Variants in AGBL3 observed in about 807,000 individuals in gnomAD.
The protein encoded by AGBL3 is AGBL carboxypeptidase 3, also known as cytosolic carboxypeptidase 3.
Under a neutral mutation model 94.5 loss-of-function variants are expected in AGBL3, and 68 were observed. The observed-to-expected ratio is 0.72, with a 90% CI of 0.59 to 0.88. AGBL3 has a LOEUF of 0.88. Among genes scored for constraint, AGBL3 ranks in the 40% least tolerant of loss-of-function variants. The pLI, the probability that AGBL3 is intolerant of heterozygous loss-of-function variation, is 0.00. For missense variants in AGBL3, 934 were observed against 1,103.8 expected (o/e 0.85, Z 2.18); for synonymous variants, 354 against 370.7 (o/e 0.95, Z 0.52).
In AGBL3 at chr7:135,034,849, C is replaced by G. The variant is rs139324036; in HGVS notation, c.1258C>G (p.Arg420Gly). 6.4e-7 allele frequency: 1 copy of G among 1,551,316 alleles called. No homozygotes were observed. Among genetic ancestry groups the G allele is most frequent in the East Asian group, 2.4e-5 (1 of 40,932 alleles). ...VGNYRCSLAG[R>G]DLNRNYTSLL... ...AAATTATCGCTGTTCCTTAGCTGGA[C>G]GGGATTTAAACCGTAATTATACATC... The change falls in exon 7 of 17, where the codon CGG becomes GGG. Residue 420 changes from arginine to glycine, a missense_variant. Arg to Gly is a moderately radical substitution (Grantham distance 125, BLOSUM62 -2). Coordinates refer to ENST00000436302, the MANE Select transcript of AGBL3 (RefSeq NM_178563.4).
chr7:135,006,355 T>C (rs1812385780), intron 4 of AGBL3, among the ~76,000 whole-genome samples: 1 of 151,914 alleles, frequency 6.6e-6, no homozygotes, highest in Non-Finnish European at 1.5e-5. Flanking sequence ...TGGAGGTACA[T>C]TGCTGCCCTG....
chr7:135,123,048 G>T (rs181253898), intron 16 of AGBL3, among the ~76,000 whole-genome samples: 1 of 151,680 alleles, frequency 6.6e-6, no homozygotes, highest in African/African-American at 2.4e-5. Flanking sequence ...GGATGAGACA[G>T]ACAAATTGAC....
chr7:135,068,555 GC>G (rs1819582198), intron 12 of AGBL3, among the ~76,000 whole-genome samples: 1 of 152,210 alleles, frequency 6.6e-6, no homozygotes, highest in Non-Finnish European at 1.5e-5. Flanking sequence ...AACTCTACAA[GC>G]CAGAAGAGAG....
At chr7:134,988,022 CTTGG>C (rs886782263) in intron 2 of AGBL3, 26 bp downstream of exon 2, 2 of 1,485,516 alleles carry the variant, frequency 1.3e-6, no homozygotes, top group Admixed American at 2.2e-5. Flanking sequence ...CTTTATTTTA[CTTGG>C]AGATAAAATT....
intron 15 of AGBL3, among the ~76,000 whole-genome samples, chr7:135,083,398 CT>C (rs1229783272): frequency 6.6e-6 from 1 of 152,134 alleles, no homozygotes; most frequent in Non-Finnish European, 1.5e-5. Flanking sequence ...ACTGCCTTTT[CT>C]TTAGGCTTTC....
chr7:135,066,099 A>G (rs1454215221), intron 12 of AGBL3, among the ~76,000 whole-genome samples: 3 of 152,218 alleles, frequency 2.0e-5, no homozygotes, highest in Non-Finnish European at 4.4e-5. Context: ...CCAAAAGCAT[A>G]GACAACAAAA....
At position 135,037,979 on chromosome 7, in the gene AGBL3, T is replaced by C. The variant is rs1325502247; in HGVS notation, c.1500+399T>C. 3.5e-4 allele frequency among the ~76,000 whole-genome samples: 54 copies of C among 152,156 alleles called. 1 individual carries two copies. The highest frequency in any genetic ancestry group is 3.5e-3 in the Admixed American group (54 of 15,282). ...GTAACAGTTTCTTCAAAGTATTTAT[T>C]AGAATTTTGCCAGGAAAAAACTTAA... On this transcript the variant is annotated intron_variant, in intron 8 of 16. Transcript: ENST00000436302.
At position 134,989,255 on chromosome 7, in the gene AGBL3, G is replaced by A. The variant is rs1334819314; in HGVS notation, c.69G>A (p.Glu23=). ...TTTTTAAATTCTTATTTTAGGATGA[G>A]GATATGTTCATGAAATTTGTAAGTG... The part of the protein sequence containing the change: ...RTISDEDESD[E]DMFMKFVSED... The change falls in exon 3 of 17, where the codon GAG becomes GAA. Residue 23 remains glutamate, a synonymous_variant. Transcript: ENST00000436302. 2.6e-6 allele frequency: 4 copies of A among 1,543,440 alleles called. No homozygotes were observed. The African/African-American group carries it at 4.1e-5, about 16-fold the overall frequency.
rs1445633519 is a variant in AGBL3, at chr7:135,045,791, T to C, written c.1729-8T>C. On this transcript the variant is annotated splice_region_variant and splice_polypyrimidine_tract_variant and intron_variant, in intron 10 of 16. Transcript: ENST00000436302. ...TTCATAATGAGCTCATTTATTACTT[T>C]TGCCTAGTATTATCGGTGCCTGAAA... The C allele has an allele frequency of 1.3e-6, 2 of 1,523,670 alleles. No individual in the cohort carries two copies. The highest frequency in any genetic ancestry group is 1.2e-5 in the South Asian group (1 of 81,586). 94.4% of individuals were successfully genotyped at this position (1,523,670 alleles called of 1,614,324 possible). A position where few individuals can be genotyped will look rare whatever the true frequency, so the allele number is the denominator to read the frequency against.
At chr7:135,045,682 G>C in intron 10 of AGBL3, 108 bp downstream of exon 10, 11 of 1,322,172 alleles carry the variant, frequency 8.3e-6, no homozygotes, top group Non-Finnish European at 1.2e-5. Flanking sequence ...CAGTGTTGTT[G>C]GGGTTTTAGC....
intron 13 of AGBL3, among the ~76,000 whole-genome samples, chr7:135,079,468 T>G (rs1015220081): frequency 5.9e-5 from 9 of 152,188 alleles, no homozygotes; most frequent in African/African-American, 2.2e-4. Context: ...GTTGTTTTTG[T>G]TTTTGTTTTG....
chr7:135,126,952 G>A (rs2117294040), intron 16 of AGBL3, among the ~76,000 whole-genome samples: 1 of 152,262 alleles, frequency 6.6e-6, no homozygotes, highest in East Asian at 1.9e-4. Flanking sequence ...TCAGGACATA[G>A]GCATGGGTAA....
chr7:135,036,024 T>C (rs1287156894), intron 7 of AGBL3, among the ~76,000 whole-genome samples: 1 of 152,106 alleles, frequency 6.6e-6, no homozygotes, highest in Non-Finnish European at 1.5e-5. Flanking sequence ...CACTGTAGTT[T>C]AAAGCAGTAT....
At chr7:135,081,068 T>C (rs1252618159) in intron 14 of AGBL3, among the ~76,000 whole-genome samples, 1 of 151,968 alleles carries the variant, frequency 6.6e-6, no homozygotes, top group East Asian at 1.9e-4. Flanking sequence ...ATAATTAAAA[T>C]AGTCAATTCA....
At chr7:135,031,699 A>G (rs551634021) in intron 5 of AGBL3, among the ~76,000 whole-genome samples, 19 of 152,236 alleles carry the variant, frequency 1.2e-4, no homozygotes, top group Admixed American at 4.6e-4. Flanking sequence ...ATGCTAGGTC[A>G]TGACCTTTAC....
intron 12 of AGBL3, among the ~76,000 whole-genome samples, chr7:135,070,301 G>A (rs749473655): frequency 1.3e-5 from 2 of 152,190 alleles, no homozygotes; most frequent in Non-Finnish European, 2.9e-5. Flanking sequence ...GATGTACAAG[G>A]AGGAGCTGGT....
At chr7:135,107,425 A>G (rs188653780) in intron 15 of AGBL3, among the ~76,000 whole-genome samples, 97 of 152,308 alleles carry the variant, frequency 6.4e-4, no homozygotes, top group African/African-American at 2.2e-3. Context: ...CTTTGTTCTC[A>G]TTAATTAAAA....
At chr7:135,064,135 G>C (rs1465592333) in intron 12 of AGBL3, among the ~76,000 whole-genome samples, 1 of 152,154 alleles carries the variant, frequency 6.6e-6, no homozygotes, top group Non-Finnish European at 1.5e-5. Flanking sequence ...AATGGGGTGG[G>C]GAAGGATAAT....
At chr7:135,071,500 G>C (rs894653740) in intron 12 of AGBL3, among the ~76,000 whole-genome samples, 15 of 152,110 alleles carry the variant, frequency 9.9e-5, no homozygotes, top group Non-Finnish European at 2.1e-4. Context: ...CACACTACCT[G>C]ACTTCAAACT....
Sources: allele counts gnomAD v4.1 joint callset (sites outside exome capture counted in the v4.1 genomes callset), GRCh38; gene constraint gnomAD v4.1.1; transcripts MANE v1.5; gene names NCBI Gene and HGNC (gene_info 2026-07-23, HGNC 2026-07-21).